Variants in GFRAL observed in about 807,000 individuals in gnomAD.
GFRAL encodes GDNF family receptor alpha-like.
GFRAL carries 36 observed loss-of-function variants against 45.4 expected under a neutral mutation model. The observed-to-expected ratio is 0.79, with a 90% CI of 0.61 to 1.05. The LOEUF (loss-of-function observed/expected upper bound fraction) is 1.05. GFRAL is among the 50% of genes least tolerant of loss of function. The probability of loss-of-function intolerance (pLI) is 0.00; values close to 1 mark genes in which losing one functional copy is unlikely to be tolerated. For synonymous variants in GFRAL, 166 were observed against 154.1 expected, an observed-to-expected ratio of 1.08 and a Z score of -0.57; for missense variants, 507 against 467.5, an observed-to-expected ratio of 1.08 and a Z score of -0.78.
intron 6 of GFRAL, among the ~76,000 whole-genome samples, chr6:55,386,245 A>C (rs2127364353): frequency 6.6e-6 from 1 of 152,282 alleles, no homozygotes; most frequent in African/African-American, 2.4e-5. Flanking sequence ...CATATTCAAT[A>C]AACAATCATA....
intron 3 of GFRAL, among the ~76,000 whole-genome samples, chr6:55,337,361 C>A (rs996463733): frequency 6.7e-6 from 1 of 150,138 alleles, no homozygotes; most frequent in East Asian, 2.2e-4. Flanking sequence ...AGTATATTGG[C>A]ATGTTGATTT....
chr6:55,380,453 G>C (rs1220608886), intron 6 of GFRAL, among the ~76,000 whole-genome samples: 1 of 151,896 alleles, frequency 6.6e-6, no homozygotes, highest in Non-Finnish European at 1.5e-5. Flanking sequence ...TAGGTATTTA[G>C]CCCTAACCCC....
At chr6:55,358,077 G>T (rs9464232) in intron 5 of GFRAL, among the ~76,000 whole-genome samples, 24,735 of 151,466 alleles carry the variant, frequency 0.16, 2,325 homozygotes, top group African/African-American at 0.25. Flanking sequence ...TATCCTTTAA[G>T]ATGAGTTAAA....
chr6:55,393,534 C>T (rs1023911423), intron 6 of GFRAL, among the ~76,000 whole-genome samples: 4 of 152,030 alleles, frequency 2.6e-5, no homozygotes, highest in African/African-American at 4.8e-5. Flanking sequence ...TAGGCAGACA[C>T]CTGAAGAAAG....
At chr6:55,386,183 G>A (rs933213794) in intron 6 of GFRAL, among the ~76,000 whole-genome samples, 3 of 152,080 alleles carry the variant, frequency 2.0e-5, no homozygotes, top group African/African-American at 7.2e-5. Context: ...TCTAGTTCCA[G>A]ATTACCTTTT....
chr6:55,345,348 A>G (rs556614023), intron 3 of GFRAL, among the ~76,000 whole-genome samples: 2 of 152,284 alleles, frequency 1.3e-5, no homozygotes, highest in Non-Finnish European at 2.9e-5. Flanking sequence ...AAACAGAGAT[A>G]TAGACTAATG....
intron 6 of GFRAL, among the ~76,000 whole-genome samples, chr6:55,371,883 A>G (rs1469505965): frequency 6.6e-6 from 1 of 152,152 alleles, no homozygotes; most frequent in Non-Finnish European, 1.5e-5. Context: ...ATTCATTAGC[A>G]CCATGTCTTT....
chr6:55,386,875 A>G (rs1768687412), intron 6 of GFRAL, among the ~76,000 whole-genome samples: 1 of 152,146 alleles, frequency 6.6e-6, no homozygotes, highest in South Asian at 2.1e-4. Flanking sequence ...ATATTTGGCT[A>G]AGGCTTCCTA....
chr6:55,332,314 A>C (rs1195616105), intron 2 of GFRAL, among the ~76,000 whole-genome samples: 1 of 152,158 alleles, frequency 6.6e-6, no homozygotes, highest in Admixed American at 6.6e-5. Context: ...AGAACAAGTA[A>C]AGCTATAGTT....
chr6:55,389,971 C>A (rs1283485218), intron 6 of GFRAL, among the ~76,000 whole-genome samples: 1 of 152,164 alleles, frequency 6.6e-6, no homozygotes, highest in Non-Finnish European at 1.5e-5. Flanking sequence ...ATATGGTGGA[C>A]TTTAAAATAA....
chr6:55,395,927 C>A (rs927677207), intron 6 of GFRAL, among the ~76,000 whole-genome samples: 4 of 152,050 alleles, frequency 2.6e-5, no homozygotes, highest in South Asian at 2.1e-4. Flanking sequence ...CAATATAGTT[C>A]ATAATCGTGT....
chr6:55,345,040 G>C (rs1460673560), intron 3 of GFRAL, among the ~76,000 whole-genome samples: 5 of 152,178 alleles, frequency 3.3e-5, no homozygotes, highest in African/African-American at 1.2e-4. Flanking sequence ...CAGAATAAAA[G>C]AGGACACAAA....
At chr6:55,327,626 C>T (rs1439023714) in intron 1 of GFRAL, 50 bp downstream of exon 1, 1 of 1,525,516 alleles carries the variant, frequency 6.6e-7, no homozygotes. Flanking sequence ...AATACTAATT[C>T]TTTGTAAACT....
intron 6 of GFRAL, among the ~76,000 whole-genome samples, chr6:55,396,508 T>C (rs1581762494): frequency 6.6e-6 from 1 of 152,132 alleles, no homozygotes; most frequent in Admixed American, 6.5e-5. Context: ...TTAATAATCA[T>C]CTAATGTATA....
chr6:55,372,506 G>A (rs1330824951), intron 6 of GFRAL, among the ~76,000 whole-genome samples: 3 of 152,108 alleles, frequency 2.0e-5, no homozygotes, highest in Non-Finnish European at 2.9e-5. Context: ...CATTAACATT[G>A]GTCATTTAGA....
At chr6:55,355,106 A>G (rs1364353717) in intron 5 of GFRAL, among the ~76,000 whole-genome samples, 1 of 152,026 alleles carries the variant, frequency 6.6e-6, no homozygotes, top group Non-Finnish European at 1.5e-5. Context: ...ATTGATTTAA[A>G]ACAGATGACA....
intron 5 of GFRAL, among the ~76,000 whole-genome samples, chr6:55,354,725 A>G (rs1454654740): frequency 6.6e-6 from 1 of 152,024 alleles, no homozygotes; most frequent in Admixed American, 6.6e-5. Context: ...CACTTCTTCA[A>G]TGAGAATATT....
At chr6:55,358,321 A>G (rs1170931446) in intron 5 of GFRAL, among the ~76,000 whole-genome samples, 2 of 152,118 alleles carry the variant, frequency 1.3e-5, no homozygotes, top group East Asian at 3.9e-4. Context: ...CAAAAATGAA[A>G]TTAGTGTACA....
At chr6:55,336,837 A>AGT (rs369789261) in intron 3 of GFRAL, among the ~76,000 whole-genome samples, 30 of 151,848 alleles carry the variant, frequency 2.0e-4, no homozygotes, top group African/African-American at 4.8e-4. Flanking sequence ...TACCATAAAG[A>AGT]GTGTGTGTGT....
Sources: allele counts gnomAD v4.1 joint callset (sites outside exome capture counted in the v4.1 genomes callset), GRCh38; gene constraint gnomAD v4.1.1; transcripts MANE v1.5; gene names NCBI Gene and HGNC (gene_info 2026-07-23, HGNC 2026-07-21).